PRKCA: variants seen among roughly 807,000 people sequenced by gnomAD.
The protein encoded by PRKCA is protein kinase C alpha, also known as protein kinase C alpha type.
A neutral mutation model predicts 87.0 loss-of-function variants in PRKCA; 27 were observed. The observed-to-expected ratio is 0.31, with a 90% CI of 0.23 to 0.43. The LOEUF (loss-of-function observed/expected upper bound fraction) is 0.43, where lower values mean the gene tolerates loss of function less well. PRKCA is among the 20% of genes least tolerant of loss of function. The pLI is 1.00. For synonymous variants in PRKCA, 329 were observed against 311.1 expected, an observed-to-expected ratio of 1.06 and a Z score of -0.61; for missense variants, 518 against 852.3, an observed-to-expected ratio of 0.61 and a Z score of 4.88.
chr17:66,545,346 G>A (rs1011303372), intron 3 of PRKCA, among the ~76,000 whole-genome samples: 24 of 152,148 alleles, frequency 1.6e-4, no homozygotes, highest in African/African-American at 5.3e-4. Context: ...GGAGAATGGC[G>A]TGAACCCAAA....
chr17:66,576,255 G>T (rs1431655175), intron 3 of PRKCA, among the ~76,000 whole-genome samples: 1 of 152,218 alleles, frequency 6.6e-6, no homozygotes, highest in African/African-American at 2.4e-5. Flanking sequence ...TCATGTGCGC[G>T]GTTGCTCTAC....
At chr17:66,637,070 A>G (rs1343462853) in intron 3 of PRKCA, among the ~76,000 whole-genome samples, 1 of 152,194 alleles carries the variant, frequency 6.6e-6, no homozygotes, top group Non-Finnish European at 1.5e-5. Context: ...CAGGAGGTGG[A>G]AGCGATGGTT....
At chr17:66,567,541 G>A (rs1968939050) in intron 3 of PRKCA, among the ~76,000 whole-genome samples, 2 of 152,196 alleles carry the variant, frequency 1.3e-5, no homozygotes, top group East Asian at 1.9e-4. Flanking sequence ...AATTCCCAGT[G>A]GGAAGAAAAA....
At chr17:66,780,878 C>T (rs995951866) in intron 14 of PRKCA, among the ~76,000 whole-genome samples, 2 of 151,790 alleles carry the variant, frequency 1.3e-5, no homozygotes, top group African/African-American at 2.4e-5. Context: ...GAGGCCAAGG[C>T]GGGCAGATCA....
intron 3 of PRKCA, among the ~76,000 whole-genome samples, chr17:66,555,613 A>G (rs1968469707): frequency 6.6e-6 from 1 of 152,172 alleles, no homozygotes. Flanking sequence ...ATTTCTAGAC[A>G]ACTTGTAGCC....
intron 3 of PRKCA, among the ~76,000 whole-genome samples, chr17:66,527,996 G>A (rs1175648733): frequency 6.6e-6 from 1 of 152,080 alleles, no homozygotes; most frequent in Non-Finnish European, 1.5e-5. Context: ...TCTGGAGTTC[G>A]AGACTAGCCT....
At chr17:66,722,363 T>C (rs752564193) in intron 8 of PRKCA, among the ~76,000 whole-genome samples, 1 of 152,158 alleles carries the variant, frequency 6.6e-6, no homozygotes, top group African/African-American at 2.4e-5. Flanking sequence ...ATGTAAGTCA[T>C]TTGTCACAAC....
chr17:66,380,607 A>C lies in PRKCA; in HGVS notation c.205+74480A>C, dbSNP rs79757961. Among the ~76,000 whole-genome samples the C allele has an allele frequency of 7.4e-3, 1,120 of 152,292 alleles. 8 individuals are homozygous for C. Among genetic ancestry groups the C allele is most frequent in the South Asian group, 0.012 (59 of 4,830 alleles). On this transcript the variant is annotated intron_variant, in intron 2 of 16. Coordinates refer to ENST00000413366, the MANE Select transcript of PRKCA (RefSeq NM_002737.3). The stretch of plus-strand genomic sequence containing the variant: ...TGCTATATTTTTGAATTATTGTATA[A>C]ATATATGCTAATTATGATTTTTGCC...
intron 3 of PRKCA, among the ~76,000 whole-genome samples, chr17:66,581,432 A>C (rs1214203421): frequency 6.6e-6 from 1 of 152,094 alleles, no homozygotes; most frequent in Non-Finnish European, 1.5e-5. Context: ...TTAAACTTGA[A>C]CCATATTTGA....
At chr17:66,351,233 C>T (rs2143422926) in intron 2 of PRKCA, among the ~76,000 whole-genome samples, 1 of 152,340 alleles carries the variant, frequency 6.6e-6, no homozygotes, top group East Asian at 1.9e-4. Flanking sequence ...AGTGTTAGCA[C>T]TGTTCTGATT....
In PRKCA at chr17:66,805,304, T is replaced by C. The variant is rs1181752315; in HGVS notation, c.*1267T>C. 7.2e-5 allele frequency: 15 copies of C among 207,610 alleles called. No homozygotes were observed. The highest frequency in any genetic ancestry group is 1.4e-4 in the African/African-American group (6 of 42,458). 12.9% of individuals were successfully genotyped at this position (207,610 alleles called of 1,614,324 possible). ...GAATTTTGCATGTTTATAATAAACC[T>C]TAATAACAAGTGAATCTATATTATT... is the stretch of plus-strand genomic sequence containing the variant. On this transcript the variant is annotated 3_prime_UTR_variant, in exon 17 of 17. Transcript: ENST00000413366.
chr17:66,799,750 C>G (rs1218023269), intron 16 of PRKCA, among the ~76,000 whole-genome samples: 1 of 151,646 alleles, frequency 6.6e-6, no homozygotes, highest in Non-Finnish European at 1.5e-5. Context: ...AGTTCAAGAT[C>G]TTCTCCAGTT....
intron 2 of PRKCA, among the ~76,000 whole-genome samples, chr17:66,332,981 G>A (rs758312498): frequency 1.3e-5 from 2 of 152,214 alleles, no homozygotes; most frequent in Non-Finnish European, 2.9e-5. Flanking sequence ...GTAAGCCAAC[G>A]TGCCTGGCCG....
intron 2 of PRKCA, among the ~76,000 whole-genome samples, chr17:66,358,679 T>A (rs2143466988): frequency 6.6e-6 from 1 of 152,320 alleles, no homozygotes; most frequent in South Asian, 2.1e-4. Context: ...CCTTTTTTCT[T>A]GTCCTCTTAA....
intron 8 of PRKCA, among the ~76,000 whole-genome samples, chr17:66,702,677 T>C (rs1973092986): frequency 1.3e-5 from 2 of 152,206 alleles, no homozygotes; most frequent in Admixed American, 1.3e-4. Flanking sequence ...TCACATTGTA[T>C]ACCTTAAACA....
At position 66,746,949 on chromosome 17, in the gene PRKCA, C is replaced by T. The variant is rs146847316; in HGVS notation, c.1524+4189C>T. On this transcript the variant is annotated intron_variant, in intron 13 of 16. Coordinates refer to ENST00000413366, the MANE Select transcript of PRKCA (RefSeq NM_002737.3). ...AATCAGGCTCCAGACACTAGCATTG[C>T]GCACTCTTGCCTGGAAGAAAGAGAA... Among the ~76,000 whole-genome samples, 164 of 152,296 alleles carry T rather than the reference C, an allele frequency of 1.1e-3. 2 individuals are homozygous for T. The highest frequency in any genetic ancestry group is 1.3e-3 in the East Asian group (7 of 5,186).
rs183088106 is a variant in PRKCA at position 66,672,013 on chromosome 17, C to T, written c.530-15098C>T. 2.6e-4 allele frequency among the ~76,000 whole-genome samples: 39 copies of T among 152,170 alleles called. No homozygotes were observed. The East Asian group carries it at 6.9e-3, about 27-fold the overall frequency. On this transcript the variant is annotated intron_variant, in intron 5 of 16. Coordinates refer to ENST00000413366, the MANE Select transcript of PRKCA (RefSeq NM_002737.3). ...TACACCAAAATAAATTTCAAATGGTCTTAAGAGTTAAATATAAGAAAGAAA... is the reference window on the plus strand; with the variant it reads ...TACACCAAAATAAATTTCAAATGGTTTTAAGAGTTAAATATAAGAAAGAAA...
intron 3 of PRKCA, among the ~76,000 whole-genome samples, chr17:66,621,047 A>G (rs540335200): frequency 5.5e-4 from 84 of 152,320 alleles, no homozygotes; most frequent in African/African-American, 1.9e-3. Context: ...TCCTAAAACA[A>G]TATTAACTCC....
intron 5 of PRKCA, among the ~76,000 whole-genome samples, chr17:66,658,803 G>T (rs1219192940): frequency 6.6e-6 from 1 of 152,154 alleles, no homozygotes; most frequent in African/African-American, 2.4e-5. Context: ...AACTCTTTCA[G>T]TCCTGACTCT....
Sources: gnomAD v4.1 joint callset for allele counts (sites outside exome capture counted in the v4.1 genomes callset) on GRCh38, gnomAD v4.1.1 for gene constraint, MANE v1.5 for transcripts, NCBI Gene and HGNC (gene_info 2026-07-23, HGNC 2026-07-21) for gene names.